Variants in STK31 observed in about 807,000 individuals in gnomAD.
The protein encoded by STK31 is serine/threonine kinase 31.
In STK31, 89 loss-of-function variants were observed where a neutral mutation model predicts 129.7. The observed-to-expected ratio is 0.69, with a 90% CI of 0.58 to 0.82. The LOEUF (loss-of-function observed/expected upper bound fraction) is 0.82. STK31 is among the 40% of genes least tolerant of loss of function. The probability of loss-of-function intolerance (pLI) is 0.00; values close to 1 mark genes in which losing one functional copy is unlikely to be tolerated. For synonymous variants in STK31, 448 were observed against 395.3 expected (o/e 1.13, Z -1.58); for missense variants, 1,187 against 1,176.4 (o/e 1.01, Z -0.13).
At chr7:23,828,551 C>G (rs1032208404) in intron 23 of STK31, among the ~76,000 whole-genome samples, 1 of 152,222 alleles carries the variant, frequency 6.6e-6, no homozygotes, top group Non-Finnish European at 1.5e-5. Flanking sequence ...CCGGGTGAGG[C>G]GATGCCTCGC....
At chr7:23,743,796 A>ATGTC (rs1788192160) in intron 8 of STK31, among the ~76,000 whole-genome samples, 1 of 151,712 alleles carries the variant, frequency 6.6e-6, no homozygotes, top group Admixed American at 6.6e-5. Context: ...GGTGTCTCAT[A>ATGTC]TGTCTTGTAG....
intron 11 of STK31, among the ~76,000 whole-genome samples, chr7:23,765,128 C>T (rs1789732642): frequency 6.6e-6 from 1 of 151,914 alleles, no homozygotes; most frequent in Non-Finnish European, 1.5e-5. Flanking sequence ...GATCTCCGCT[C>T]ACTGCAACCT....
chr7:23,769,810 T>C, intron 13 of STK31, 54 bp downstream of exon 13: 6 of 1,206,534 alleles, frequency 5.0e-6, no homozygotes, highest in Non-Finnish European at 7.2e-6. Flanking sequence ...TGGTTTCCTT[T>C]CATGGTTAGA....
chr7:23,788,268 C>T, intron 21 of STK31, 139 bp downstream of exon 21: 1 of 702,092 alleles, frequency 1.4e-6, no homozygotes, highest in South Asian at 5.5e-5. Context: ...GTATAAGCAA[C>T]TATTTGCCCT....
In STK31 at chr7:23,721,889, C is replaced by T. The variant is rs113179220; in HGVS notation, c.249+4310C>T. ...AATCAGCTACTGAAGCTTGTGCATG[C>T]GTCACGTAGTTCTCGTGCCATGGTT... On this transcript the variant is annotated intron_variant, in intron 4 of 23. Coordinates refer to ENST00000355870, the MANE Select transcript of STK31 (RefSeq NM_031414.5). 3,314 of 426,608 alleles carry T rather than the reference C, an allele frequency of 7.8e-3. 27 individuals carry two copies. The highest frequency in any genetic ancestry group is 0.021 in the South Asian group (979 of 46,790). The allele number at this position is 426,608 out of a possible 1,614,324, so 26.4% of individuals were successfully genotyped here.
chr7:23,728,808 A>G (rs1012571476), intron 5 of STK31, among the ~76,000 whole-genome samples: 3 of 152,194 alleles, frequency 2.0e-5, no homozygotes, highest in Admixed American at 2.0e-4. Flanking sequence ...GCTGATGTTT[A>G]TTTAAAATAT....
At position 23,832,475 on chromosome 7, in the gene STK31, C is replaced by G. The variant is rs1043636378; in HGVS notation, c.*109C>G. 2.5e-6 allele frequency: 2 copies of G among 789,672 alleles called. No individual in the cohort carries two copies. The highest frequency in any genetic ancestry group is 5.0e-5 in the East Asian group (2 of 40,312). The allele number at this position is 789,672 out of a possible 1,614,324, so 48.9% of individuals were successfully genotyped here. On this transcript the variant is annotated 3_prime_UTR_variant, in exon 24 of 24. Coordinates refer to ENST00000355870, the MANE Select transcript of STK31 (RefSeq NM_031414.5). The stretch of plus-strand genomic sequence containing the variant: ...CTAGTTGAGTTGTATCTTTAGTATT[C>G]AGGTTGTGAAAAATAAAGATGTTTG...
At position 23,710,235 on chromosome 7, in the gene STK31, C is replaced by T. The variant is rs371224425; in HGVS notation, c.-51C>T. ...GGGGCCCTTGCGGTCGAAGCTCACG[C>T]GGTAAGCCGCTGCACGTGTGCTACG... is the stretch of plus-strand genomic sequence containing the variant. On this transcript the variant is annotated 5_prime_UTR_variant, in exon 1 of 24. Transcript: ENST00000355870. The T allele has an allele frequency of 2.6e-5, 41 of 1,590,238 alleles. No homozygotes were observed. Among genetic ancestry groups the T allele is most frequent in the Non-Finnish European group, 3.3e-5 (39 of 1,166,864 alleles).
intron 5 of STK31, chr7:23,727,556 C>CTTTTTTTTTTTT (rs58066410): frequency 8.0e-6 from 1 of 125,358 alleles, no homozygotes; most frequent in Admixed American, 1.7e-4. Context: ...TACCTCAGTT[C>CTTTTTTTTTTTT]TTTTTTTTTT....
Position 23,832,343 on chromosome 7 carries a change from G to A in STK31, c.3037G>A (p.Gly1013Ser). Reference sequence around the variant, plus strand: ...TAAATGTATGGAGAAGACAAGAAATGGTGAAGCCAACTTTGATTGTTAAAT... The same window carrying A: ...TAAATGTATGGAGAAGACAAGAAATAGTGAAGCCAACTTTGATTGTTAAAT... ...LDKCMEKTRN[G>S]EANFDC Residue 1013 changes from glycine (G) to serine (S), a missense_variant, in exon 24 of 24, where the codon GGT becomes AGT. Gly to Ser is a moderately conservative substitution (Grantham distance 56, BLOSUM62 0). Coordinates refer to ENST00000355870, the MANE Select transcript of STK31 (RefSeq NM_031414.5). 1 of 1,609,924 alleles carries A rather than the reference G, an allele frequency of 6.2e-7. No homozygotes were observed. The highest frequency in any genetic ancestry group is 8.5e-7 in the Non-Finnish European group (1 of 1,179,166).
chr7:23,750,942 A>G (rs1373042917), intron 8 of STK31, among the ~76,000 whole-genome samples: 1 of 152,166 alleles, frequency 6.6e-6, no homozygotes, highest in East Asian at 1.9e-4. Context: ...AACTGTAGTC[A>G]TCTGCTATCA....
intron 22 of STK31, among the ~76,000 whole-genome samples, chr7:23,808,971 G>GTGTGTGTGTGTGTGTGTGTGTGCGCA (rs1554297246): frequency 1.6e-5 from 1 of 60,944 alleles, no homozygotes; most frequent in East Asian, 3.8e-4. Context: ...GTGTGTGTGT[G>GTGTGTGTGTGTGTGTGTGTGTGCGCA]CCTGTGTCTG....
At chr7:23,812,798 T>G (rs757057306) in intron 22 of STK31, among the ~76,000 whole-genome samples, 2 of 152,306 alleles carry the variant, frequency 1.3e-5, no homozygotes, top group Middle Eastern at 3.4e-3. Context: ...TTGTTTCACT[T>G]AAGATAATGG....
intron 8 of STK31, among the ~76,000 whole-genome samples, chr7:23,744,815 T>G (rs1788251747): frequency 6.6e-6 from 1 of 152,232 alleles, no homozygotes; most frequent in Admixed American, 6.5e-5. Context: ...TTGCCAGTCC[T>G]CAGACCCCAA....
chr7:23,812,942 A>G (rs1339406055), intron 22 of STK31, among the ~76,000 whole-genome samples: 1 of 152,052 alleles, frequency 6.6e-6, no homozygotes, highest in African/African-American at 2.4e-5. Flanking sequence ...CATACACACC[A>G]CCGTTTCTTT....
intron 4 of STK31, chr7:23,721,182 G>A (rs1786665307): frequency 3.2e-6 from 1 of 309,316 alleles, no homozygotes; most frequent in African/African-American, 2.2e-5. Flanking sequence ...ACAGAAACAA[G>A]TTTTGCTTTT....
At chr7:23,712,193 G>C in intron 2 of STK31, 41 bp from the exon 3 acceptor site, 3 of 1,613,846 alleles carry the variant, frequency 1.9e-6, no homozygotes, top group Non-Finnish European at 2.5e-6. Flanking sequence ...AGATGATACT[G>C]ATTAATTTCT....
Position 23,803,345 on chromosome 7 carries a change from T to A in STK31, c.2761-11799T>A, listed in dbSNP as rs564449447. ...TTACAAGGCCATGAAGGGATTACTG[T>A]CACTTTGTCTTTAAAAAAATTTTAG... is the stretch of plus-strand genomic sequence containing the variant. On this transcript the variant is annotated intron_variant, in intron 22 of 23. Coordinates refer to ENST00000355870, the MANE Select transcript of STK31 (RefSeq NM_031414.5). Among the ~76,000 whole-genome samples, 16 of 152,316 alleles carry A rather than the reference T, an allele frequency of 1.1e-4. No homozygotes were observed. The East Asian group carries it at 2.9e-3, about 28-fold the overall frequency.
In STK31 at chr7:23,790,825, G is replaced by A. The variant is rs753245813; in HGVS notation, c.2639G>A (p.Ser880Asn). 6.3e-7 allele frequency: 1 copy of A among 1,587,140 alleles called. No homozygotes were observed. The highest frequency in any genetic ancestry group is 8.5e-7 in the Non-Finnish European group (1 of 1,170,138). ...ATATGTAAAATATTGTTTTTGCAGAGTCAGCGAGCCTCGGTGAACATGATG... is the reference window on the plus strand; with the variant it reads ...ATATGTAAAATATTGTTTTTGCAGAATCAGCGAGCCTCGGTGAACATGATG... ...VGDFDFTKSV[S>N]QRASVNMMVG... is the part of the protein sequence containing the mutation. Residue 880 changes from serine to asparagine, a missense_variant and splice_region_variant, in exon 22 of 24, where the codon AGT becomes AAT. Ser to Asn is a conservative substitution (Grantham distance 46, BLOSUM62 1). Transcript: ENST00000355870.
Sources: allele counts gnomAD v4.1 joint callset (sites outside exome capture counted in the v4.1 genomes callset), GRCh38; gene constraint gnomAD v4.1.1; transcripts MANE v1.5; gene names NCBI Gene and HGNC (gene_info 2026-07-23, HGNC 2026-07-21).